Variants in NINL observed in about 807,000 individuals in gnomAD.
The protein encoded by NINL is ninein-like protein.
NINL carries 153 observed loss-of-function variants against 160.3 expected under a neutral mutation model. That is an observed-to-expected ratio of 0.95 (90% CI 0.84 to 1.09). The LOEUF (loss-of-function observed/expected upper bound fraction) is 1.09. Among genes scored for constraint, NINL ranks in the 50% least tolerant of loss-of-function variants. The pLI is 0.00. For missense variants in NINL, 1,829 were observed against 1,764.0 expected, an observed-to-expected ratio of 1.04 and a Z score of -0.66; for synonymous variants, 800 against 734.8, an observed-to-expected ratio of 1.09 and a Z score of -1.43.
chr20:25,462,317 T>C, intron 20 of NINL, 66 bp downstream of exon 20: 1 of 1,516,330 alleles, frequency 6.6e-7, no homozygotes, highest in Non-Finnish European at 8.9e-7. Context: ...CTGACCTATT[T>C]GCAGCCGCCT....
At chr20:25,466,245 C>A (rs1008966608) in intron 19 of NINL, among the ~76,000 whole-genome samples, 8 of 151,908 alleles carry the variant, frequency 5.3e-5, no homozygotes. Flanking sequence ...TGGTCTTGAA[C>A]TCCTGGGCTC....
At chr20:25,533,488 A>C (rs1331376907) in intron 1 of NINL, among the ~76,000 whole-genome samples, 1 of 152,218 alleles carries the variant, frequency 6.6e-6, no homozygotes, top group Non-Finnish European at 1.5e-5. Flanking sequence ...TATAAAGTGT[A>C]TCTAAACAAT....
At chr20:25,568,686 C>T (rs2065020903) in intron 1 of NINL, among the ~76,000 whole-genome samples, 1 of 151,246 alleles carries the variant, frequency 6.6e-6, no homozygotes, top group Non-Finnish European at 1.5e-5. Flanking sequence ...TCTGGGATTA[C>T]AGGAGTAAGC....
Position 25,476,646 on chromosome 20 carries a change from G to T in NINL, c.2645C>A (p.Ala882Asp). The change falls in exon 17 of 24, where the codon GCC (alanine) becomes GAC (aspartate). Residue 882 changes from alanine to aspartate, a missense_variant. Ala to Asp is a moderately radical substitution (Grantham distance 126). Transcript: ENST00000278886. ...GCTCTGCGTAGCTTCTGTGTCCTGG[G>T]CTTGCCTGCGGCGAGGCCCGGCTCC... ...AAGAGPRRRQ[A>D]QDTEATQSPA... 1 of 1,588,788 alleles carries T rather than the reference G, an allele frequency of 6.3e-7. No individual in the cohort carries two copies.
At chr20:25,571,819 G>A (rs1024858717) in intron 1 of NINL, among the ~76,000 whole-genome samples, 57 of 114,710 alleles carry the variant, frequency 5.0e-4, no homozygotes, top group Admixed American at 1.1e-3. Context: ...AGTGAACCAA[G>A]ATCACACCAC....
intron 1 of NINL, among the ~76,000 whole-genome samples, chr20:25,553,211 T>C (rs946131714): frequency 6.8e-6 from 1 of 148,062 alleles, no homozygotes; most frequent in Non-Finnish European, 1.5e-5. Flanking sequence ...CTCGTGATCC[T>C]CCCACCTCAG....
At chr20:25,499,119 A>G (rs562894203) in intron 8 of NINL, 1 of 985,444 alleles carries the variant, frequency 1.0e-6, no homozygotes, top group East Asian at 1.1e-4. Flanking sequence ...TGCCTGGCCC[A>G]GAGTCTCCTG....
intron 2 of NINL, among the ~76,000 whole-genome samples, chr20:25,521,790 T>C (rs918561369): frequency 6.6e-6 from 1 of 152,234 alleles, no homozygotes; most frequent in Non-Finnish European, 1.5e-5. Flanking sequence ...GGTTTTGACA[T>C]ATGTTTCTGG....
chr20:25,488,487 G>A (rs1255361424), intron 13 of NINL, among the ~76,000 whole-genome samples: 6 of 152,076 alleles, frequency 3.9e-5, no homozygotes, highest in African/African-American at 1.4e-4. Flanking sequence ...GCCTCCCAAA[G>A]TGCTGGGATT....
At chr20:25,510,377 G>A (rs918546081) in intron 5 of NINL, among the ~76,000 whole-genome samples, 2 of 152,216 alleles carry the variant, frequency 1.3e-5, no homozygotes, top group Admixed American at 6.5e-5. Context: ...CTGCCAGCTG[G>A]GGTCACATCA....
At chr20:25,516,424 A>T (rs2064161157) in intron 3 of NINL, among the ~76,000 whole-genome samples, 1 of 152,224 alleles carries the variant, frequency 6.6e-6, no homozygotes, top group Non-Finnish European at 1.5e-5. Context: ...GAGAAAAAGC[A>T]CAAGTTCCGA....
chr20:25,579,160 C>T (rs1205674953), intron 1 of NINL, among the ~76,000 whole-genome samples: 2 of 152,038 alleles, frequency 1.3e-5, no homozygotes. Flanking sequence ...ATGTTGGAAA[C>T]CCCACTGTGT....
intron 2 of NINL, 72 bp from the exon 3 acceptor site, chr20:25,517,921 G>T: frequency 2.2e-6 from 2 of 895,812 alleles, no homozygotes; most frequent in Non-Finnish European, 3.4e-6. Flanking sequence ...TGACTCTTTT[G>T]GATTTTCTCT....
At position 25,489,914 on chromosome 20, in the gene NINL, C is replaced by A. The variant is rs768424733; in HGVS notation, c.1557G>T (p.Leu519=). ...CAAACTCCAGGTCCTTCTGCAGCTT[C>A]AGGGCCAGCCTCTCCGAATCCGAAA... ...EKLSDSERLA[L]KLQKDLEFVL... is the part of the protein sequence containing the mutation. Residue 519 remains leucine, a synonymous_variant, in exon 12 of 24, where the codon CTG becomes CTT. Coordinates refer to ENST00000278886, the MANE Select transcript of NINL (RefSeq NM_025176.6). The A allele has an allele frequency of 3.1e-6, 5 of 1,614,108 alleles. No homozygotes were observed. Among genetic ancestry groups the A allele is most frequent in the Non-Finnish European group, 4.2e-6 (5 of 1,180,042 alleles).
At chr20:25,490,156 C>A (rs1433187880) in intron 11 of NINL, among the ~76,000 whole-genome samples, 171 bp from the exon 12 acceptor site, 2 of 152,242 alleles carry the variant, frequency 1.3e-5, no homozygotes, top group Non-Finnish European at 2.9e-5. Context: ...GGATGTCCCC[C>A]ACCCTCCCAG....
rs779624254 is a variant in NINL, at chr20:25,476,687, CTCT to C, written c.2601_2603del (p.Glu868del). The C allele has an allele frequency of 7.5e-6, 12 of 1,593,764 alleles. No homozygotes were observed. Among genetic ancestry groups the C allele is most frequent in the Non-Finnish European group, 1.0e-5 (12 of 1,175,108 alleles). ...GCCCGGCTCCTGCCGCCTCCTCAGA[CTCT>C]CTGCCATCACCTGGGGCCAGCCAGG... On this transcript the variant is annotated inframe_deletion, in exon 17 of 24. Transcript: ENST00000278886.
intron 13 of NINL, among the ~76,000 whole-genome samples, chr20:25,485,003 C>A (rs1176564069): frequency 3.9e-5 from 6 of 152,162 alleles, no homozygotes; most frequent in Non-Finnish European, 7.3e-5. Flanking sequence ...GGATGCACAG[C>A]CTCAGTGCTG....
intron 1 of NINL, chr20:25,539,947 G>T: frequency 1.0e-6 from 1 of 1,001,820 alleles, no homozygotes; most frequent in Non-Finnish European, 1.4e-6. Context: ...GGTTCCCGGG[G>T]GCTCCCAGGC....
At chr20:25,570,381 T>C (rs1363825263) in intron 1 of NINL, among the ~76,000 whole-genome samples, 1 of 152,016 alleles carries the variant, frequency 6.6e-6, no homozygotes, top group Non-Finnish European at 1.5e-5. Flanking sequence ...GGATAGTGAG[T>C]TCTCATGAGA....
Sources: gnomAD v4.1 joint callset for allele counts (sites outside exome capture counted in the v4.1 genomes callset) on GRCh38, gnomAD v4.1.1 for gene constraint, MANE v1.5 for transcripts, NCBI Gene and HGNC (gene_info 2026-07-23, HGNC 2026-07-21) for gene names.